OR10A6: variants seen among roughly 807,000 people sequenced by gnomAD.
The protein encoded by OR10A6 is olfactory receptor family 10 subfamily A member 6 (gene/pseudogene).
In OR10A6, 2 loss-of-function variants were observed where a neutral mutation model predicts 1.5. The observed-to-expected ratio is 1.31, with a 90% CI of 0.54 to 4.13. The LOEUF (loss-of-function observed/expected upper bound fraction) is 4.13, where lower values mean the gene tolerates loss of function less well. Among genes scored for constraint, OR10A6 ranks in the 30% most tolerant of loss-of-function variants. The pLI is 0.07. For missense variants in OR10A6, 492 were observed against 368.6 expected (o/e 1.33, Z -2.74); for synonymous variants, 169 against 137.3 (o/e 1.23, Z -1.61).
Position 7,924,758 on chromosome 11 carries a change from G to A in OR10A6, c.*2960C>T, listed in dbSNP as rs1859363357. ...CCAGGGGCCCTCTAGCTTTCCACTT[G>A]GCCTCTGTAGGGCCTGGCTTTTCTA... On this transcript the variant is annotated 3_prime_UTR_variant, in exon 4 of 4. Coordinates refer to ENST00000641238, the MANE Select transcript of OR10A6 (RefSeq NM_001004461.2). 1 of 152,052 alleles carries A rather than the reference G, an allele frequency of 6.6e-6. No homozygotes were observed. The highest frequency in any genetic ancestry group is 2.4e-5 in the African/African-American group (1 of 41,380). 9.4% of individuals were successfully genotyped at this position (152,052 alleles called of 1,614,324 possible).
In OR10A6 at chr11:7,928,452, G is replaced by T; in HGVS notation, c.211C>A (p.Leu71Met). Reference sequence around the variant, plus strand: ...GGCATAATAACTGCACTGAAACTCAGGTCCACCACAGATAAGTTCAGGAGA... The same window carrying T: ...GGCATAATAACTGCACTGAAACTCATGTCCACCACAGATAAGTTCAGGAGA... ...LFLLNLSVVD[L>M]SFSAVIMPEM... The change falls in exon 4 of 4, where the codon CTG (leucine) becomes ATG (methionine). Residue 71 changes from leucine (L) to methionine (M), a missense_variant. Transcript: ENST00000641238. 6.2e-7 allele frequency: 1 copy of T among 1,613,756 alleles called. No homozygotes were observed. The highest frequency in any genetic ancestry group is 8.5e-7 in the Non-Finnish European group (1 of 1,179,842).
chr11:7,930,979 G>A lies in OR10A6; in HGVS notation c.-1883+8C>T, dbSNP rs1859522700. 1 of 152,088 alleles carries A rather than the reference G, an allele frequency of 6.6e-6. No homozygotes were observed. The highest frequency in any genetic ancestry group is 1.5e-5 in the Non-Finnish European group (1 of 68,012). The allele number at this position is 152,088 out of a possible 1,614,324, so 9.4% of individuals were successfully genotyped here. On this transcript the variant is annotated splice_region_variant and intron_variant, in intron 2 of 3. Coordinates refer to ENST00000641238, the MANE Select transcript of OR10A6 (RefSeq NM_001004461.2). ...GAATATGATGATTTATGCATGCAAAGCACTTACACTTCTACTTATTGCCCG... is the reference window on the plus strand; with the variant it reads ...GAATATGATGATTTATGCATGCAAAACACTTACACTTCTACTTATTGCCCG...
At chr11:7,931,174 G>C (rs1258455737) in intron 1 of OR10A6, 23 bp downstream of exon 1, 1 of 152,096 alleles carries the variant, frequency 6.6e-6, no homozygotes, top group Non-Finnish European at 1.5e-5. Flanking sequence ...AAACGCACAG[G>C]AGCAGAATAT....
rs1438216695 is a variant in OR10A6 at position 7,926,141 on chromosome 11, G to C, written c.*1577C>G. On this transcript the variant is annotated 3_prime_UTR_variant, in exon 4 of 4. Coordinates refer to ENST00000641238, the MANE Select transcript of OR10A6 (RefSeq NM_001004461.2). ...CAAACCAGCATGTACTTCCCATTTT[G>C]AGTCCCTAAAAGGTCCTGGACCCAG... 1 of 152,090 alleles carries C rather than the reference G, an allele frequency of 6.6e-6. No homozygotes were observed. Among genetic ancestry groups the C allele is most frequent in the Non-Finnish European group, 1.5e-5 (1 of 68,062 alleles). 9.4% of individuals were successfully genotyped at this position (152,090 alleles called of 1,614,324 possible). A position where few individuals can be genotyped will look rare whatever the true frequency, so the allele number is the denominator to read the frequency against.
At chr11:7,930,941 GT>G (rs1362908684) in intron 2 of OR10A6, 45 bp downstream of exon 2, 5 of 152,138 alleles carry the variant, frequency 3.3e-5, no homozygotes, top group African/African-American at 1.2e-4. Flanking sequence ...TTCTCTTCTA[GT>G]TGCAAACTCC....
Position 7,928,781 on chromosome 11 carries a change from G to C in OR10A6, c.-119C>G. The C allele has an allele frequency of 1.7e-6, 1 of 582,778 alleles. No homozygotes were observed. The highest frequency in any genetic ancestry group is 2.7e-6 in the Non-Finnish European group (1 of 375,558). 36.1% of individuals were successfully genotyped at this position (582,778 alleles called of 1,614,324 possible). The stretch of plus-strand genomic sequence containing the variant: ...CCCAGAAATTCTGGCAGAAGATGAG[G>C]AGCCTATCCTGACAGAAATTTTCTT... On this transcript the variant is annotated 5_prime_UTR_variant, in exon 4 of 4. Transcript: ENST00000641238.
chr11:7,927,448 A>T lies in OR10A6; in HGVS notation c.*270T>A. ...AAAACTGGTTGTTTTAGTATTATCT[A>T]TTGTGACAAAAAAATAACCATCAGT... On this transcript the variant is annotated 3_prime_UTR_variant, in exon 4 of 4. Transcript: ENST00000641238. 2.9e-6 allele frequency: 1 copy of T among 349,744 alleles called. No homozygotes were observed. The highest frequency in any genetic ancestry group is 5.1e-6 in the Non-Finnish European group (1 of 195,150). 21.7% of individuals were successfully genotyped at this position (349,744 alleles called of 1,614,324 possible). A position where few individuals can be genotyped will look rare whatever the true frequency, so the allele number is the denominator to read the frequency against.
rs1427242389 is a variant in OR10A6, at chr11:7,927,219, T to G, written c.*499A>C. ...CACTACAGAAGCAGAAAATCTCATC[T>G]CGTTATTGTAGGCTTCTTGGCATAC... On this transcript the variant is annotated 3_prime_UTR_variant, in exon 4 of 4. Transcript: ENST00000641238. The G allele has an allele frequency of 1.3e-5, 2 of 152,412 alleles. No homozygotes were observed. The highest frequency in any genetic ancestry group is 1.9e-4 in the East Asian group (1 of 5,200). The allele number at this position is 152,412 out of a possible 1,614,324, so 9.4% of individuals were successfully genotyped here. A position where few individuals can be genotyped will look rare whatever the true frequency, so the allele number is the denominator to read the frequency against.
chr11:7,928,084 A>T lies in OR10A6; in HGVS notation c.579T>A (p.Phe193Leu). 6.2e-7 allele frequency: 1 copy of T among 1,613,990 alleles called. No homozygotes were observed. The change falls in exon 4 of 4, where the codon TTT (phenylalanine) becomes TTA (leucine). Residue 193 changes from phenylalanine (F) to leucine (L), a missense_variant. Transcript: ENST00000641238. ...AVLELACADT[F>L]LFEIYAFTGT... is the part of the protein sequence containing the mutation. ...CTGTGAATGCATAGATTTCAAACAA[A>T]AACGTGTCTGCACATGCAAGTTCTA...
In OR10A6 at chr11:7,925,622, C is replaced by A. The variant is rs532471678; in HGVS notation, c.*2096G>T. On this transcript the variant is annotated 3_prime_UTR_variant, in exon 4 of 4. Coordinates refer to ENST00000641238, the MANE Select transcript of OR10A6 (RefSeq NM_001004461.2). ...TTACAGAATCAATGAACAAAATGAACTAAAGAATGGCTAAAAAGACTTTCT... is the reference window on the plus strand; with the variant it reads ...TTACAGAATCAATGAACAAAATGAAATAAAGAATGGCTAAAAAGACTTTCT... 1 of 152,220 alleles carries A rather than the reference C, an allele frequency of 6.6e-6. No individual in the cohort carries two copies. The highest frequency in any genetic ancestry group is 1.9e-4 in the East Asian group (1 of 5,184). 9.4% of individuals were successfully genotyped at this position (152,220 alleles called of 1,614,324 possible). A position where few individuals can be genotyped will look rare whatever the true frequency, so the allele number is the denominator to read the frequency against.
intron 3 of OR10A6, 115 bp downstream of exon 3, chr11:7,930,746 G>T (rs1046735552): frequency 6.6e-6 from 1 of 152,124 alleles, no homozygotes; most frequent in Non-Finnish European, 1.5e-5. Flanking sequence ...CTATGTAAAA[G>T]TAGATTGGTT....
Position 7,926,060 on chromosome 11 carries a change from C to T in OR10A6, c.*1658G>A, listed in dbSNP as rs954818083. On this transcript the variant is annotated 3_prime_UTR_variant, in exon 4 of 4. Transcript: ENST00000641238. ...TACCCTTTCCTAATTGGTTTTTCTACACTGTCATGCCCACCTTTGAGTGGT... is the reference window on the plus strand; with the variant it reads ...TACCCTTTCCTAATTGGTTTTTCTATACTGTCATGCCCACCTTTGAGTGGT... 3 of 152,230 alleles carry T rather than the reference C, an allele frequency of 2.0e-5. No individual in the cohort carries two copies. Among genetic ancestry groups the T allele is most frequent in the Non-Finnish European group, 2.9e-5 (2 of 68,052 alleles). The allele number at this position is 152,230 out of a possible 1,614,324, so 9.4% of individuals were successfully genotyped here. A position where few individuals can be genotyped will look rare whatever the true frequency, so the allele number is the denominator to read the frequency against.
chr11:7,928,126 A>G lies in OR10A6; in HGVS notation c.537T>C (p.Cys179=), dbSNP rs1859451214. The change falls in exon 4 of 4, where the codon TGT becomes TGC. Residue 179 remains cysteine, a synonymous_variant. Coordinates refer to ENST00000641238, the MANE Select transcript of OR10A6 (RefSeq NM_001004461.2). ...CAAGTTCTAACACTGCTGGGGTTTC[A>G]CAAGATATATGGTTAATTTCATTAA... ...CGLNEINHIS[C]ETPAVLELAC... 2 of 1,613,920 alleles carry G rather than the reference A, an allele frequency of 1.2e-6. No homozygotes were observed. The highest frequency in any genetic ancestry group is 1.1e-5 in the South Asian group (1 of 91,084).
chr11:7,928,455 C>T lies in OR10A6; in HGVS notation c.208G>A (p.Asp70Asn). Residue 70 changes from aspartate to asparagine, a missense_variant, in exon 4 of 4, where the codon GAC becomes AAC. Coordinates refer to ENST00000641238, the MANE Select transcript of OR10A6 (RefSeq NM_001004461.2). ...ATAATAACTGCACTGAAACTCAGGT[C>T]CACCACAGATAAGTTCAGGAGAAAC... is the stretch of plus-strand genomic sequence containing the variant. ...YLFLLNLSVV[D>N]LSFSAVIMPE... 6.2e-7 allele frequency: 1 copy of T among 1,613,728 alleles called. No individual in the cohort carries two copies. The highest frequency in any genetic ancestry group is 8.5e-7 in the Non-Finnish European group (1 of 1,179,798).
chr11:7,927,740 C>CG lies in OR10A6; in HGVS notation c.922dup (p.Arg308ProfsTer41). 6.2e-7 allele frequency: 1 copy of CG among 1,612,896 alleles called. No homozygotes were observed. Among genetic ancestry groups the CG allele is most frequent in the Non-Finnish European group, 8.5e-7 (1 of 1,179,106 alleles). On this transcript the variant is annotated frameshift_variant, in exon 4 of 4. Transcript: ENST00000641238. LOFTEE classifies it high-confidence loss of function. ...CAGTCAGATTGTGTGTAAAACCACT[C>CG]GCCTTCGCCATAATTTCATCAAAGC...
At position 7,924,714 on chromosome 11, in the gene OR10A6, AC is replaced by A. The variant is rs1168233399; in HGVS notation, c.*3003del. On this transcript the variant is annotated 3_prime_UTR_variant, in exon 4 of 4. Coordinates refer to ENST00000641238, the MANE Select transcript of OR10A6 (RefSeq NM_001004461.2). ...GCAGGAGAGGAATGATAAGGTCACTACGCAATGCCGTCACAGACCCAGGGGC... is the reference window on the plus strand; with the variant it reads ...GCAGGAGAGGAATGATAAGGTCACTAGCAATGCCGTCACAGACCCAGGGGC... The A allele has an allele frequency of 6.6e-6, 1 of 152,144 alleles. No individual in the cohort carries two copies. The highest frequency in any genetic ancestry group is 1.5e-5 in the Non-Finnish European group (1 of 68,032). 9.4% of individuals were successfully genotyped at this position (152,144 alleles called of 1,614,324 possible).
chr11:7,924,698 G>C lies in OR10A6; in HGVS notation c.*3020C>G, dbSNP rs970064437. On this transcript the variant is annotated 3_prime_UTR_variant, in exon 4 of 4. Coordinates refer to ENST00000641238, the MANE Select transcript of OR10A6 (RefSeq NM_001004461.2). Reference sequence around the variant, plus strand: ...GTCAGTAAACAAATAGGCAGGAGAGGAATGATAAGGTCACTACGCAATGCC... The same window carrying C: ...GTCAGTAAACAAATAGGCAGGAGAGCAATGATAAGGTCACTACGCAATGCC... 2.0e-5 allele frequency: 3 copies of C among 152,176 alleles called. No homozygotes were observed. The highest frequency in any genetic ancestry group is 2.1e-4 in the South Asian group (1 of 4,830). The allele number at this position is 152,176 out of a possible 1,614,324, so 9.4% of individuals were successfully genotyped here. A position where few individuals can be genotyped will look rare whatever the true frequency, so the allele number is the denominator to read the frequency against.
In OR10A6 at chr11:7,929,780, A is replaced by G. The variant is rs979052670; in HGVS notation, c.-1118T>C. The G allele has an allele frequency of 1.4e-5, 2 of 140,102 alleles. No individual in the cohort carries two copies. The highest frequency in any genetic ancestry group is 2.6e-5 in the African/African-American group (1 of 38,466). 8.7% of individuals were successfully genotyped at this position (140,102 alleles called of 1,614,324 possible). ...TACACACACATGCACACATATATAT[A>G]CACAACTGAGTGATTCAGTTCATTG... is the stretch of plus-strand genomic sequence containing the variant. On this transcript the variant is annotated 5_prime_UTR_variant, in exon 4 of 4. Transcript: ENST00000641238.
Position 7,929,924 on chromosome 11 carries a change from A to ATT in OR10A6, c.-1264_-1263dup, listed in dbSNP as rs1859496978. 13 of 131,214 alleles carry ATT rather than the reference A, an allele frequency of 9.9e-5. No individual in the cohort carries two copies. The South Asian group carries it at 3.2e-3, about 32-fold the overall frequency. The allele number at this position is 131,214 out of a possible 1,614,324, so 8.1% of individuals were successfully genotyped here. ...ATAAACAGATTAATATTTTATATAT[A>ATT]TTATATATATATAAGCTCTAGTAAG... is the stretch of plus-strand genomic sequence containing the variant. On this transcript the variant is annotated 5_prime_UTR_variant, in exon 4 of 4. Coordinates refer to ENST00000641238, the MANE Select transcript of OR10A6 (RefSeq NM_001004461.2).
Sources: gnomAD v4.1 joint callset for allele counts on GRCh38, gnomAD v4.1.1 for gene constraint, MANE v1.5 for transcripts, NCBI Gene and HGNC (gene_info 2026-07-23, HGNC 2026-07-21) for gene names.